ZBBX: variants seen among roughly 807,000 people sequenced by gnomAD.
The protein encoded by ZBBX is zinc finger B-box domain containing.
A neutral mutation model predicts 108.5 loss-of-function variants in ZBBX; 101 were observed. The ratio of observed to expected loss-of-function variants is 0.93; its 90% CI spans 0.79 to 1.10. ZBBX has a LOEUF of 1.10. Among genes scored for constraint, ZBBX ranks in the 50% least tolerant of loss-of-function variants. The pLI is 0.00. For missense variants in ZBBX, 1,009 were observed against 941.4 expected, an observed-to-expected ratio of 1.07 and a Z score of -0.94; for synonymous variants, 356 against 323.4, an observed-to-expected ratio of 1.10 and a Z score of -1.08.
chr3:167,350,628 C>T (rs1035601352), intron 8 of ZBBX, 113 bp from the exon 9 acceptor site: 1 of 655,074 alleles, frequency 1.5e-6, no homozygotes, highest in Non-Finnish European at 2.3e-6. Flanking sequence ...AATTAAATAC[C>T]TATATCATCA....
downstream of ZBBX, among the ~76,000 whole-genome samples, chr3:167,235,804 G>A (rs571994250): frequency 7.8e-4 from 118 of 151,446 alleles, no homozygotes; most frequent in African/African-American, 2.6e-3. Flanking sequence ...CTATGCTGCC[G>A]GTTATTCCCC....
intron 20 of ZBBX, among the ~76,000 whole-genome samples, chr3:167,272,394 C>T (rs1726684764): frequency 6.6e-6 from 1 of 152,188 alleles, no homozygotes; most frequent in Non-Finnish European, 1.5e-5. Context: ...ATCATATCCT[C>T]ATCAAAAGCT....
At chr3:167,188,283 G>T in the ZBBX span, among the ~76,000 whole-genome samples, 12 of 151,960 alleles carry the variant, frequency 7.9e-5, no homozygotes, top group African/African-American at 2.7e-4. Flanking sequence ...TGACCTTTTA[G>T]TAAAATCTTC....
Position 167,334,740 on chromosome 3 carries a change from G to A in ZBBX, c.529-755C>T, listed in dbSNP as rs149545852. Among the ~76,000 whole-genome samples, 370 of 151,938 alleles carry A rather than the reference G, an allele frequency of 2.4e-3. 1 individual carries two copies. The highest frequency in any genetic ancestry group is 8.6e-3 in the African/African-American group (357 of 41,424). ...TGCACACCCCCAAATAGATAGATGC[G>A]ATATTTTGTGCACATCATAAATAAA... On this transcript the variant is annotated intron_variant, in intron 9 of 21. Transcript: ENST00000675490.
chr3:167,231,932 T>A, the ZBBX span, among the ~76,000 whole-genome samples: 1 of 151,812 alleles, frequency 6.6e-6, no homozygotes, highest in Admixed American at 6.6e-5. Context: ...ATAATTTTTC[T>A]AAATCTAATC....
At chr3:167,280,227 C>A (rs892730660) in intron 20 of ZBBX, among the ~76,000 whole-genome samples, 5 of 151,320 alleles carry the variant, frequency 3.3e-5, no homozygotes, top group African/African-American at 9.7e-5. Context: ...GCAATGGCAA[C>A]AACAGCCAAA....
chr3:167,387,700 G>C (rs1747960345), intron 1 of ZBBX, among the ~76,000 whole-genome samples: 1 of 151,896 alleles, frequency 6.6e-6, no homozygotes, highest in South Asian at 2.1e-4. Context: ...TCATTAAGAG[G>C]TCATCGCTGT....
At chr3:167,266,506 G>A (rs759746375) in intron 20 of ZBBX, among the ~76,000 whole-genome samples, 4 of 151,958 alleles carry the variant, frequency 2.6e-5, no homozygotes, top group Non-Finnish European at 2.9e-5. Context: ...GAAACTGCAC[G>A]TCTCACAAGC....
chr3:167,221,802 T>A, the ZBBX span, among the ~76,000 whole-genome samples: 1 of 151,864 alleles, frequency 6.6e-6, no homozygotes, highest in Non-Finnish European at 1.5e-5. Context: ...GGCAAAAAGT[T>A]ATGTAAAAAG....
At chr3:167,405,046 T>C (rs1224199410) in intron 1 of ZBBX, among the ~76,000 whole-genome samples, 1 of 152,160 alleles carries the variant, frequency 6.6e-6, no homozygotes, top group Non-Finnish European at 1.5e-5. Flanking sequence ...TTTTAAGGGT[T>C]CTTGCTAGGA....
At chr3:167,270,413 G>A (rs1476706484) in intron 20 of ZBBX, among the ~76,000 whole-genome samples, 1 of 152,124 alleles carries the variant, frequency 6.6e-6, no homozygotes, top group Non-Finnish European at 1.5e-5. Context: ...ACCATCTCCT[G>A]TGGACTTCTG....
intron 1 of ZBBX, among the ~76,000 whole-genome samples, chr3:167,398,216 G>A (rs1013693320): frequency 8.5e-5 from 13 of 152,078 alleles, no homozygotes; most frequent in Non-Finnish European, 1.8e-4. Context: ...TTTCAGAAAT[G>A]TGTAGCTGTG....
chr3:167,221,693 G>C, the ZBBX span, among the ~76,000 whole-genome samples: 1 of 151,468 alleles, frequency 6.6e-6, no homozygotes, highest in Non-Finnish European at 1.5e-5. Context: ...AAAAAGCTTC[G>C]CACAGAAGAG....
intron 20 of ZBBX, among the ~76,000 whole-genome samples, chr3:167,265,209 A>T (rs970095446): frequency 6.6e-6 from 1 of 152,184 alleles, no homozygotes; most frequent in African/African-American, 2.4e-5. Flanking sequence ...TGAAGCCAGC[A>T]CATCTTAGAG....
chr3:167,179,477 A>C, the ZBBX span, among the ~76,000 whole-genome samples: 1 of 152,236 alleles, frequency 6.6e-6, no homozygotes, highest in Non-Finnish European at 1.5e-5. Flanking sequence ...ATGAGCCCTA[A>C]TGTGAGTGAT....
chr3:167,222,881 G>C, the ZBBX span, among the ~76,000 whole-genome samples: 1 of 151,826 alleles, frequency 6.6e-6, no homozygotes, highest in Non-Finnish European at 1.5e-5. Flanking sequence ...TTATAGCACT[G>C]TAGGATGACT....
the ZBBX span, among the ~76,000 whole-genome samples, chr3:167,234,842 T>C: frequency 6.6e-6 from 1 of 151,800 alleles, no homozygotes; most frequent in African/African-American, 2.4e-5. Flanking sequence ...TAGACATAGC[T>C]AAATTCTAGC....
chr3:167,368,494 CG>C lies in ZBBX; in HGVS notation c.148del (p.Arg50AspfsTer32). 2 of 1,611,954 alleles carry C rather than the reference CG, an allele frequency of 1.2e-6. No homozygotes were observed. The highest frequency in any genetic ancestry group is 2.7e-5 in the African/African-American group (2 of 74,916). On this transcript the variant is annotated frameshift_variant, in exon 5 of 22. Transcript: ENST00000675490. LOFTEE classifies it high-confidence loss of function. ...TTCCTTTTCTTTGTTTCTTGTGGATCGGAATTCTTGCAGTTTCTTCTCCATC... is the reference window on the plus strand; with the variant it reads ...TTCCTTTTCTTTGTTTCTTGTGGATCGAATTCTTGCAGTTTCTTCTCCATC... Reference protein sequence around the residue: ...QEMEKKLQEFRSTRNKEKEDR... With the variant: ...QEMEKKLQEFXSTRNKEKEDR...
intron 2 of ZBBX, among the ~76,000 whole-genome samples, chr3:167,374,771 TG>T (rs1746688072): frequency 6.6e-6 from 1 of 151,984 alleles, no homozygotes; most frequent in Non-Finnish European, 1.5e-5. Flanking sequence ...TTTATACATG[TG>T]ATAATATAGG....
Sources: allele counts gnomAD v4.1 joint callset (sites outside exome capture counted in the v4.1 genomes callset), GRCh38; gene constraint gnomAD v4.1.1; transcripts MANE v1.5; gene names NCBI Gene and HGNC (gene_info 2026-07-23, HGNC 2026-07-21).